CRB1: variants seen among roughly 807,000 people sequenced by gnomAD.
The protein encoded by CRB1 is protein crumbs homolog 1.
Under a neutral mutation model 120.0 loss-of-function variants are expected in CRB1, and 83 were observed. The ratio of observed to expected loss-of-function variants is 0.69; its 90% CI spans 0.58 to 0.83. The LOEUF is 0.83. CRB1 is among the 40% of genes least tolerant of loss of function. CRB1 has a pLI of 0.00. For synonymous variants in CRB1, 625 were observed against 612.5 expected, an observed-to-expected ratio of 1.02 and a Z score of -0.30; for missense variants, 1,699 against 1,687.6, an observed-to-expected ratio of 1.01 and a Z score of -0.12.
chr1:197,398,076 A>C (rs1348214606), intron 5 of CRB1, among the ~76,000 whole-genome samples: 1 of 151,890 alleles, frequency 6.6e-6, no homozygotes, highest in African/African-American at 2.4e-5. Context: ...TGCACAAAAA[A>C]CTCATTTTGT....
Position 197,409,490 on chromosome 1 carries a change from C to T in CRB1, c.1172-11510C>T, listed in dbSNP as rs551933643. Among the ~76,000 whole-genome samples the T allele has an allele frequency of 6.6e-5, 10 of 152,122 alleles. No homozygotes were observed. In the East Asian group the frequency reaches 1.9e-3, roughly 29 times the overall value. On this transcript the variant is annotated intron_variant, in intron 5 of 11. Transcript: ENST00000367400. ...ATGTTATTATTTATTGTCCTATGCT[C>T]TATAGATTTTGATTTTGTTCCTATT...
intron 1 of CRB1, among the ~76,000 whole-genome samples, chr1:197,309,748 A>G (rs1029749158): frequency 2.1e-5 from 3 of 143,858 alleles, no homozygotes; most frequent in Admixed American, 1.5e-4. Flanking sequence ...GCAAGACTAC[A>G]TCTCAAAATA....
chr1:197,260,022 G>T, the CRB1 span, among the ~76,000 whole-genome samples: 11 of 151,934 alleles, frequency 7.2e-5, no homozygotes, highest in African/African-American at 2.7e-4. Context: ...ACACGATGGA[G>T]CCTGGCTGTA....
intron 1 of CRB1, among the ~76,000 whole-genome samples, chr1:197,319,682 C>T (rs1658076992): frequency 6.6e-6 from 1 of 150,524 alleles, no homozygotes; most frequent in African/African-American, 2.4e-5. Flanking sequence ...TTTTTCTCAC[C>T]CATTTAATTT....
chr1:197,426,362 T>G (rs1256659353), intron 6 of CRB1, among the ~76,000 whole-genome samples: 1 of 152,006 alleles, frequency 6.6e-6, no homozygotes, highest in African/African-American at 2.4e-5. Flanking sequence ...TATTTAAAAT[T>G]ACAATTCCAC....
At chr1:197,326,751 TG>T (rs1658516058) in intron 1 of CRB1, among the ~76,000 whole-genome samples, 1 of 152,086 alleles carries the variant, frequency 6.6e-6, no homozygotes, top group Non-Finnish European at 1.5e-5. Context: ...TAATTATTTT[TG>T]TCCGATCCTG....
At position 197,328,512 on chromosome 1, in the gene CRB1, G is replaced by C; in HGVS notation, c.161G>C (p.Cys54Ser). 6.2e-7 allele frequency: 1 copy of C among 1,614,138 alleles called. No individual in the cohort carries two copies. The highest frequency in any genetic ancestry group is 8.5e-7 in the Non-Finnish European group (1 of 1,180,000). The change falls in exon 2 of 12, where the codon TGT becomes TCT. Residue 54 changes from cysteine to serine, a missense_variant. Coordinates refer to ENST00000367400, the MANE Select transcript of CRB1 (RefSeq NM_201253.3). The stretch of plus-strand genomic sequence containing the variant: ...AAAGATTTTTCAAAAGACAATGATT[G>C]TTCTTGTTCAGACACAGCCAATAAT... ...TCKDFSKDNDCSCSDTANNLD... is the reference protein window; with the variant it reads ...TCKDFSKDNDSSCSDTANNLD...
At chr1:197,453,900 AT>A (rs1403613352) in intron 11 of CRB1, among the ~76,000 whole-genome samples, 1 of 122,990 alleles carries the variant, frequency 8.1e-6, no homozygotes, top group East Asian at 2.0e-4. Context: ...ATATTATTAT[AT>A]TATTAATATA....
chr1:197,279,513 A>AT (rs1419233340), intron 1 of CRB1, among the ~76,000 whole-genome samples: 6 of 150,536 alleles, frequency 4.0e-5, no homozygotes, highest in African/African-American at 1.5e-4. Context: ...CATTATATCA[A>AT]ATTTTTTTTT....
Position 197,327,132 on chromosome 1 carries a change from A to C in CRB1, c.71-1290A>C, listed in dbSNP as rs56179708. Among the ~76,000 whole-genome samples the C allele has an allele frequency of 4.8e-3, 709 of 148,776 alleles. 6 individuals carry two copies. Among genetic ancestry groups the C allele is most frequent in the South Asian group, 9.8e-3 (46 of 4,686 alleles). On this transcript the variant is annotated intron_variant, in intron 1 of 11. Transcript: ENST00000367400. ...AAAAAAAAAAAAAAAAAAAAAAAAA[A>C]CAGAAACCAAGGCTGGGAGAGGCAG...
intron 2 of CRB1, among the ~76,000 whole-genome samples, chr1:197,340,256 G>C (rs1659373680): frequency 6.6e-6 from 1 of 152,112 alleles, no homozygotes; most frequent in Non-Finnish European, 1.5e-5. Context: ...GGGAAGGAGG[G>C]AGTGAGGAGT....
chr1:197,281,106 T>A (rs1655498045), intron 1 of CRB1, among the ~76,000 whole-genome samples: 1 of 151,810 alleles, frequency 6.6e-6, no homozygotes, highest in Admixed American at 6.6e-5. Flanking sequence ...GAGACACTAA[T>A]CCATAAGTTA....
chr1:197,306,773 CTCTG>C (rs1657197973), intron 1 of CRB1, among the ~76,000 whole-genome samples: 1 of 152,182 alleles, frequency 6.6e-6, no homozygotes, highest in Non-Finnish European at 1.5e-5. Flanking sequence ...AGAGAGGGGT[CTCTG>C]TCTGTGCTTT....
chr1:197,332,626 T>C (rs1658930223), intron 2 of CRB1, among the ~76,000 whole-genome samples: 1 of 152,050 alleles, frequency 6.6e-6, no homozygotes, highest in African/African-American at 2.4e-5. Context: ...TAGTAGCTCA[T>C]GGGTGTTTCT....
chr1:197,251,838 T>G, the CRB1 span, among the ~76,000 whole-genome samples: 2 of 152,068 alleles, frequency 1.3e-5, no homozygotes, highest in African/African-American at 2.4e-5. Context: ...TAATGTGGTG[T>G]TAAGTAGAAG....
intron 11 of CRB1, among the ~76,000 whole-genome samples, chr1:197,445,015 C>T (rs948427198): frequency 6.6e-6 from 1 of 151,932 alleles, no homozygotes; most frequent in Non-Finnish European, 1.5e-5. Context: ...CTGTGGTATC[C>T]AAGTAAAGTT....
chr1:197,222,184 C>T, the CRB1 span: 1 of 430,288 alleles, frequency 2.3e-6, no homozygotes, highest in African/African-American at 2.0e-5. Context: ...TGCCGGCCCG[C>T]TCCTTGTTGC....
intron 5 of CRB1, among the ~76,000 whole-genome samples, chr1:197,366,079 G>A (rs1217656381): frequency 2.0e-5 from 3 of 151,780 alleles, no homozygotes; most frequent in South Asian, 4.2e-4. Flanking sequence ...AGAAAAGCAA[G>A]TGTTAACTTT....
At chr1:197,225,924 G>A in the CRB1 span, among the ~76,000 whole-genome samples, 882 of 151,376 alleles carry the variant, frequency 5.8e-3, 9 homozygotes, top group African/African-American at 0.018. Context: ...TTTTTCAGAC[G>A]GTAATCGCAC....
Sources: gnomAD v4.1 joint callset for allele counts (sites outside exome capture counted in the v4.1 genomes callset) on GRCh38, gnomAD v4.1.1 for gene constraint, MANE v1.5 for transcripts, NCBI Gene and HGNC (gene_info 2026-07-23, HGNC 2026-07-21) for gene names.